The following CAP2 variants were observed in gnomAD, a reference collection of about 807,000 sequenced individuals.
CAP2 encodes cyclase associated actin cytoskeleton regulatory protein 2.
CAP2 carries 24 observed loss-of-function variants against 57.7 expected under a neutral mutation model. That is an observed-to-expected ratio of 0.42 (90% CI 0.30 to 0.58). CAP2 has a LOEUF of 0.58. CAP2 is among the 20% of genes least tolerant of loss of function. CAP2 has a pLI of 0.22. For synonymous variants in CAP2, 194 were observed against 207.2 expected (o/e 0.94, Z 0.55); for missense variants, 501 against 590.3 (o/e 0.85, Z 1.57).
chr6:17,538,201 G>A (rs565388164), intron 7 of CAP2, among the ~76,000 whole-genome samples: 20 of 151,564 alleles, frequency 1.3e-4, no homozygotes, highest in African/African-American at 3.6e-4. Context: ...ATTAAAACTG[G>A]TACTTTGGGA....
intron 11 of CAP2, among the ~76,000 whole-genome samples, chr6:17,547,689 A>C (rs911758415): frequency 6.6e-6 from 1 of 152,010 alleles, no homozygotes. Flanking sequence ...AAAATACAAA[A>C]AATAAACCAG....
intron 4 of CAP2, among the ~76,000 whole-genome samples, chr6:17,490,274 A>T (rs538094869): frequency 7.9e-5 from 12 of 152,264 alleles, no homozygotes; most frequent in Admixed American, 5.9e-4. Context: ...CTTGTATTTG[A>T]TTTGCTAAAA....
intron 3 of CAP2, among the ~76,000 whole-genome samples, chr6:17,434,157 A>G (rs1041594943): frequency 6.6e-6 from 1 of 152,094 alleles, no homozygotes; most frequent in East Asian, 1.9e-4. Flanking sequence ...GCTTTCTGCC[A>G]AACTCTTGCT....
intron 7 of CAP2, among the ~76,000 whole-genome samples, chr6:17,517,032 G>A (rs1057025397): frequency 2.6e-5 from 4 of 152,124 alleles, no homozygotes; most frequent in African/African-American, 9.7e-5. Flanking sequence ...GTGTGGATAT[G>A]GATGGGTGTT....
intron 1 of CAP2, among the ~76,000 whole-genome samples, chr6:17,405,371 G>A (rs1195671958): frequency 6.6e-6 from 1 of 152,184 alleles, no homozygotes; most frequent in African/African-American, 2.4e-5. Context: ...GACAGAGTGA[G>A]ACCCCATCTC....
chr6:17,515,059 G>A (rs992374230), intron 7 of CAP2, among the ~76,000 whole-genome samples: 3 of 151,816 alleles, frequency 2.0e-5, no homozygotes, highest in African/African-American at 4.8e-5. Flanking sequence ...ACAGCCGAGC[G>A]TGGTGGTGCA....
chr6:17,526,048 A>G (rs1198041465), intron 7 of CAP2, among the ~76,000 whole-genome samples: 1 of 152,122 alleles, frequency 6.6e-6, no homozygotes, highest in East Asian at 1.9e-4. Context: ...TGTCATCACA[A>G]TGAAATTTCC....
intron 3 of CAP2, among the ~76,000 whole-genome samples, chr6:17,462,284 A>G (rs185503986): frequency 2.0e-5 from 3 of 152,170 alleles, no homozygotes; most frequent in Non-Finnish European, 4.4e-5. Flanking sequence ...TTAAGGGACA[A>G]TTCTCTTTCC....
chr6:17,473,452 T>C (rs1761073466), intron 4 of CAP2, among the ~76,000 whole-genome samples: 1 of 152,172 alleles, frequency 6.6e-6, no homozygotes, highest in Admixed American at 6.5e-5. Context: ...AGTGTAAGAG[T>C]TGCAAGTTTT....
At chr6:17,468,192 T>C (rs1473678076) in intron 4 of CAP2, among the ~76,000 whole-genome samples, 1 of 152,106 alleles carries the variant, frequency 6.6e-6, no homozygotes, top group Non-Finnish European at 1.5e-5. Flanking sequence ...TCCTCCACCT[T>C]CACCCTTCCA....
intron 3 of CAP2, among the ~76,000 whole-genome samples, chr6:17,449,661 G>A (rs961914433): frequency 2.6e-5 from 4 of 151,920 alleles, no homozygotes; most frequent in South Asian, 2.1e-4. Flanking sequence ...CACCCACCTC[G>A]GCCTCCCAAA....
At chr6:17,445,596 G>A (rs565466828) in intron 3 of CAP2, among the ~76,000 whole-genome samples, 1 of 152,270 alleles carries the variant, frequency 6.6e-6, no homozygotes, top group East Asian at 1.9e-4. Context: ...ACTTTACTGT[G>A]TATTTCTAAT....
intron 3 of CAP2, among the ~76,000 whole-genome samples, chr6:17,435,004 T>C (rs1478890770): frequency 7.1e-6 from 1 of 140,558 alleles, no homozygotes; most frequent in Non-Finnish European, 1.5e-5. Context: ...CCAGTTAGAA[T>C]GGCTATCATT....
intron 3 of CAP2, among the ~76,000 whole-genome samples, chr6:17,448,631 T>C (rs1287847123): frequency 6.6e-6 from 1 of 152,260 alleles, no homozygotes; most frequent in Admixed American, 6.5e-5. Context: ...TGTTGGGCTT[T>C]TTAAGTTACA....
At position 17,556,457 on chromosome 6, in the gene CAP2, G is replaced by A. The variant is rs146829664; in HGVS notation, c.*15G>A. Reference sequence around the variant, plus strand: ...TTATGGCCTAACTTCCTGAGAGACCGAACCCCCTCACCTGAATCCCCCTCT... The same window carrying A: ...TTATGGCCTAACTTCCTGAGAGACCAAACCCCCTCACCTGAATCCCCCTCT... On this transcript the variant is annotated 3_prime_UTR_variant, in exon 13 of 13. Coordinates refer to ENST00000229922, the MANE Select transcript of CAP2 (RefSeq NM_006366.3). 134 of 1,571,854 alleles carry A rather than the reference G, an allele frequency of 8.5e-5. No individual in the cohort carries two copies. Among genetic ancestry groups the A allele is most frequent in the South Asian group, 5.2e-4 (47 of 90,276 alleles).
At chr6:17,413,279 C>A (rs1759188185) in intron 1 of CAP2, among the ~76,000 whole-genome samples, 1 of 152,128 alleles carries the variant, frequency 6.6e-6, no homozygotes, top group South Asian at 2.1e-4. Context: ...TACACCATCT[C>A]AAAAATCAGA....
chr6:17,453,759 C>A (rs1760473878), intron 3 of CAP2, among the ~76,000 whole-genome samples: 2 of 152,014 alleles, frequency 1.3e-5, no homozygotes, highest in African/African-American at 4.8e-5. Context: ...GTCAGTAGAC[C>A]CAACTCTAAT....
chr6:17,452,627 TAAC>T (rs1349566398), intron 3 of CAP2, among the ~76,000 whole-genome samples: 1 of 152,144 alleles, frequency 6.6e-6, no homozygotes, highest in Non-Finnish European at 1.5e-5. Flanking sequence ...ATGCTAAAAA[TAAC>T]AATAATAAGC....
intron 1 of CAP2, among the ~76,000 whole-genome samples, chr6:17,401,624 G>A (rs904051932): frequency 6.6e-6 from 1 of 152,192 alleles, no homozygotes; most frequent in African/African-American, 2.4e-5. Context: ...CATGAGGTAG[G>A]CTAAATGCAG....
Sources: allele counts gnomAD v4.1 joint callset (sites outside exome capture counted in the v4.1 genomes callset), GRCh38; gene constraint gnomAD v4.1.1; transcripts MANE v1.5; gene names NCBI Gene and HGNC (gene_info 2026-07-23, HGNC 2026-07-21).